Variants in TNRC18 observed in about 807,000 individuals in gnomAD.
TNRC18 encodes the protein trinucleotide repeat containing 18.
A neutral mutation model predicts 226.7 loss-of-function variants in TNRC18; 69 were observed. That is an observed-to-expected ratio of 0.30 (90% CI 0.25 to 0.37). The LOEUF is 0.37. TNRC18 is among the 10% of genes least tolerant of loss of function. TNRC18 has a pLI of 1.00. For synonymous variants in TNRC18, 2,449 were observed against 1,927.6 expected (o/e 1.27, Z -7.09); for missense variants, 4,754 against 4,256.6 (o/e 1.12, Z -3.25).
At chr7:5,316,786 C>A (rs549095289) in intron 24 of TNRC18, among the ~76,000 whole-genome samples, 1 of 152,172 alleles carries the variant, frequency 6.6e-6, no homozygotes, top group Non-Finnish European at 1.5e-5. Context: ...CGTGCAGGAA[C>A]GGGCTTTGAT....
Position 5,315,264 on chromosome 7 carries a change from G to C in TNRC18, c.6863-116C>G, listed in dbSNP as rs1787736717. 2.6e-6 allele frequency: 3 copies of C among 1,141,438 alleles called. No homozygotes were observed. The African/African-American group carries it at 4.7e-5, about 18-fold the overall frequency. The allele number at this position is 1,141,438 out of a possible 1,614,324, so 70.7% of individuals were successfully genotyped here. ...GGGGCGGAAGCAACCGACACCAGGT[G>C]GCTGACCCCGGATGGGCTCCCATGA... On this transcript the variant is annotated intron_variant, in intron 25 of 29. Transcript: ENST00000430969.
intron 1 of TNRC18, among the ~76,000 whole-genome samples, chr7:5,421,939 A>C (rs1288856228): frequency 6.6e-6 from 1 of 152,220 alleles, no homozygotes; most frequent in Non-Finnish European, 1.5e-5. Context: ...CTGATCCGCA[A>C]AGTTTAATAT....
intron 5 of TNRC18, among the ~76,000 whole-genome samples, chr7:5,385,474 G>A (rs1779695500): frequency 8.2e-6 from 1 of 122,368 alleles, no homozygotes. Flanking sequence ...CGGCCTGGGC[G>A]ACAGAGCGAG....
intron 5 of TNRC18, among the ~76,000 whole-genome samples, chr7:5,379,724 G>A (rs903720967): frequency 6.6e-6 from 1 of 152,246 alleles, no homozygotes; most frequent in Admixed American, 6.5e-5. Flanking sequence ...CCGGGAATGG[G>A]AGGAAGCTGA....
chr7:5,392,515 G>A (rs1780372548), intron 3 of TNRC18, among the ~76,000 whole-genome samples: 2 of 152,200 alleles, frequency 1.3e-5, no homozygotes, highest in African/African-American at 4.8e-5. Flanking sequence ...TCAGGAGGCT[G>A]AGGCAGGAGA....
intron 18 of TNRC18, among the ~76,000 whole-genome samples, 165 bp downstream of exon 18, chr7:5,345,397 G>C (rs374869104): frequency 2.0e-5 from 3 of 152,190 alleles, no homozygotes; most frequent in African/African-American, 7.2e-5. Flanking sequence ...GGCCCCTGTC[G>C]CGAGCATCCC....
intron 3 of TNRC18, among the ~76,000 whole-genome samples, chr7:5,391,595 G>C (rs921143930): frequency 1.2e-4 from 18 of 151,980 alleles, no homozygotes; most frequent in African/African-American, 3.9e-4. Context: ...ACAGGTGTGA[G>C]CCACCACATC....
intron 16 of TNRC18, among the ~76,000 whole-genome samples, chr7:5,353,608 C>T (rs1792061211): frequency 2.0e-5 from 3 of 149,280 alleles, no homozygotes; most frequent in African/African-American, 7.4e-5. Context: ...GCGACCCCTA[C>T]AATCGAAACT....
chr7:5,377,797 C>T lies in TNRC18; in HGVS notation c.2255+125G>A. 9.5e-7 allele frequency: 1 copy of T among 1,048,966 alleles called. No individual in the cohort carries two copies. Among genetic ancestry groups the T allele is most frequent in the South Asian group, 1.5e-5 (1 of 65,516 alleles). 65.0% of individuals were successfully genotyped at this position (1,048,966 alleles called of 1,614,324 possible). A position where few individuals can be genotyped will look rare whatever the true frequency, so the allele number is the denominator to read the frequency against. ...CCCGATGCTGAGGACCAGAGTGACTCCCGCTCTCAGTACCATAGCATCCAT... is the reference window on the plus strand; with the variant it reads ...CCCGATGCTGAGGACCAGAGTGACTTCCGCTCTCAGTACCATAGCATCCAT... On this transcript the variant is annotated intron_variant, in intron 6 of 29. Coordinates refer to ENST00000430969, the MANE Select transcript of TNRC18 (RefSeq NM_001080495.3). This position sits in a 1 kb window ranked among gnomAD's most constrained non-coding sequence, Gnocchi z 5.8.
intron 5 of TNRC18, among the ~76,000 whole-genome samples, chr7:5,378,238 T>C (rs1779144553): frequency 6.6e-6 from 1 of 151,944 alleles, no homozygotes; most frequent in Non-Finnish European, 1.5e-5. Context: ...AAATCATCCA[T>C]CCGCTCTGTC....
rs201311952 is a variant in TNRC18 at position 5,362,822 on chromosome 7, G to A, written c.4223C>T (p.Ala1408Val). The A allele has an allele frequency of 1.6e-3, 2,475 of 1,537,554 alleles. 12 individuals carry two copies. The highest frequency in any genetic ancestry group is 1.3e-3 in the Non-Finnish European group (1,449 of 1,143,158). Reference sequence around the variant, plus strand: ...GGGCCGCGCCACCAGGGCCCGCTCCGCACCTGTGGACAGGAGGTAGGTAAC... The same window carrying A: ...GGGCCGCGCCACCAGGGCCCGCTCCACACCTGTGGACAGGAGGTAGGTAAC... ...LERRSQEMGG[A>V]ERALVARPSL... Residue 1408 changes from alanine to valine, a missense_variant, in exon 12 of 30, where the codon GCG becomes GTG. Transcript: ENST00000430969.
intron 5 of TNRC18, among the ~76,000 whole-genome samples, chr7:5,385,050 C>T (rs908916869): frequency 2.2e-4 from 33 of 152,206 alleles, no homozygotes; most frequent in African/African-American, 7.7e-4. Flanking sequence ...GAGACAGGCC[C>T]GGTCCAAGGT....
chr7:5,380,911 C>T (rs776468374), intron 5 of TNRC18, among the ~76,000 whole-genome samples: 3 of 152,210 alleles, frequency 2.0e-5, no homozygotes, highest in Admixed American at 6.5e-5. Flanking sequence ...GCCACCCTCA[C>T]GCCCCCTGGG....
intron 5 of TNRC18, among the ~76,000 whole-genome samples, chr7:5,382,796 T>C (rs1235014336): frequency 6.6e-6 from 1 of 151,992 alleles, no homozygotes; most frequent in Non-Finnish European, 1.5e-5. Context: ...CCCATCTGAA[T>C]GGGGAGAGTA....
chr7:5,362,716 G>A lies in TNRC18; in HGVS notation c.4329C>T (p.Asn1443=). ...GCTTCAGCTCCCGCGGGAGCCGCAG[G>A]TTCTTGAGTGGGTCCACCACGGGCC... The part of the protein sequence containing the change: ...LDGPVVDPLK[N]LRLPRELKPN... The change falls in exon 12 of 30, where the codon AAC becomes AAT. Residue 1443 remains asparagine, a synonymous_variant. Transcript: ENST00000430969. The A allele has an allele frequency of 1.3e-6, 2 of 1,580,410 alleles. No homozygotes were observed. The highest frequency in any genetic ancestry group is 1.7e-6 in the Non-Finnish European group (2 of 1,163,988).
At chr7:5,315,237 T>C (rs1282551119) in intron 25 of TNRC18, 89 bp from the exon 26 acceptor site, 1 of 1,419,612 alleles carries the variant, frequency 7.0e-7, no homozygotes, top group African/African-American at 1.4e-5. Context: ...GGATCAGGGA[T>C]GGGGGCGGAA....
chr7:5,412,077 C>T (rs1332397290), intron 2 of TNRC18, among the ~76,000 whole-genome samples: 2 of 151,732 alleles, frequency 1.3e-5, no homozygotes, highest in Non-Finnish European at 2.9e-5. Flanking sequence ...GTCCTAGCTA[C>T]TTAGGAGGCA....
intron 2 of TNRC18, among the ~76,000 whole-genome samples, chr7:5,403,360 A>G (rs1291841352): frequency 6.6e-6 from 1 of 152,072 alleles, no homozygotes; most frequent in Non-Finnish European, 1.5e-5. Flanking sequence ...GGGTTTCTCC[A>G]TGTTGGTCAG....
At chr7:5,328,358 T>C (rs771256447) in intron 19 of TNRC18, among the ~76,000 whole-genome samples, 10 of 151,982 alleles carry the variant, frequency 6.6e-5, no homozygotes, top group Admixed American at 2.0e-4. Context: ...CCCCACCCCA[T>C]CTGCACGAAA....
Sources: gnomAD v4.1 joint callset for allele counts (sites outside exome capture counted in the v4.1 genomes callset) on GRCh38, gnomAD v4.1.1 for gene constraint, Gnocchi (gnomAD v3.1) non-coding constraint, MANE v1.5 for transcripts, NCBI Gene and HGNC (gene_info 2026-07-23, HGNC 2026-07-21) for gene names.